Variants in TRIM15 observed in about 807,000 individuals in gnomAD.
The protein encoded by TRIM15 is E3 ubiquitin-protein ligase TRIM15.
TRIM15 carries 35 observed loss-of-function variants against 35.8 expected under a neutral mutation model. The ratio of observed to expected loss-of-function variants is 0.98; its 90% CI spans 0.75 to 1.30. The LOEUF (loss-of-function observed/expected upper bound fraction) is 1.30, where lower values mean the gene tolerates loss of function less well. Among genes scored for constraint, TRIM15 ranks in the 50% most tolerant of loss-of-function variants. The pLI, the probability that TRIM15 is intolerant of heterozygous loss-of-function variation, is 0.00. For synonymous variants in TRIM15, 252 were observed against 249.8 expected (o/e 1.01, Z -0.08); for missense variants, 590 against 593.5 (o/e 0.99, Z 0.06).
rs1562146657 is a variant in TRIM15 at position 30,168,474 on chromosome 6, G to T, written c.652G>T (p.Ala218Ser). Residue 218 changes from alanine to serine, a missense_variant, in exon 3 of 7, where the codon GCC becomes TCC. Ala to Ser is a moderately conservative substitution (Grantham distance 99). Coordinates refer to ENST00000376694, the MANE Select transcript of TRIM15 (RefSeq NM_033229.3). The part of the protein sequence containing the change: ...KVSEEVTRLG[A>S]QVKELEEKCQ... ...CTCTGAGGAAGTCACCCGGCTTGGA[G>T]CCCAGGTCAAGGAGCTGGAGGAGAA... is the stretch of plus-strand genomic sequence containing the variant. 1 of 1,610,854 alleles carries T rather than the reference G, an allele frequency of 6.2e-7. No individual in the cohort carries two copies. Among genetic ancestry groups the T allele is most frequent in the South Asian group, 1.1e-5 (1 of 90,668 alleles).
chr6:30,170,711 C>A (rs1246022865), intron 5 of TRIM15, 95 bp downstream of exon 5: 4 of 1,006,676 alleles, frequency 4.0e-6, no homozygotes, highest in Non-Finnish European at 5.9e-6. Context: ...AAACCTGGCT[C>A]GAGACATCTT....
At position 30,171,017 on chromosome 6, in the gene TRIM15, C is replaced by T. The variant is rs768533435; in HGVS notation, c.880+9C>T. The T allele has an allele frequency of 3.2e-5, 51 of 1,610,766 alleles. No homozygotes were observed. The Admixed American group carries it at 7.6e-4, about 24-fold the overall frequency. On this transcript the variant is annotated intron_variant, in intron 6 of 6. Coordinates refer to ENST00000376694, the MANE Select transcript of TRIM15 (RefSeq NM_033229.3). ...TCTGGAAATAGATTCAGGTAAACAG[C>T]TTGGGATTTGGGGAGTCATTCTTCC...
At chr6:30,171,260 G>A (rs554151827) in intron 6 of TRIM15, among the ~76,000 whole-genome samples, 5 of 152,264 alleles carry the variant, frequency 3.3e-5, no homozygotes, top group East Asian at 3.9e-4. Context: ...ATTAATACAT[G>A]CAAAGAGCTT....
At chr6:30,167,405 C>A in intron 2 of TRIM15, 134 bp downstream of exon 2, 1 of 702,414 alleles carries the variant, frequency 1.4e-6, no homozygotes. Flanking sequence ...CCTGTGGCTG[C>A]ACAAAGGCAT....
At chr6:30,164,519 G>A (rs183195595) in intron 1 of TRIM15, among the ~76,000 whole-genome samples, 87 of 152,258 alleles carry the variant, frequency 5.7e-4, no homozygotes, top group African/African-American at 2.0e-3. Flanking sequence ...AAGGGAGGGT[G>A]GCAGTAGTCC....
chr6:30,171,731 G>A, intron 6 of TRIM15, 101 bp from the exon 7 acceptor site: 1 of 1,403,474 alleles, frequency 7.1e-7, no homozygotes, highest in Non-Finnish European at 9.4e-7. Context: ...ATGGCAGGCT[G>A]CCCAAGTCCA....
rs1181860849 is a variant in TRIM15, at chr6:30,163,609, T to A, written c.-76T>A. On this transcript the variant is annotated 5_prime_UTR_variant, in exon 1 of 7. Coordinates refer to ENST00000376694, the MANE Select transcript of TRIM15 (RefSeq NM_033229.3). ...CGTTTCCCTCTGCGATTCATGTAAG[T>A]GTGACTCGATTTCAGGGAAAGGGAA... The A allele has an allele frequency of 2.7e-6, 4 of 1,506,050 alleles. No individual in the cohort carries two copies. In the African/African-American group the frequency reaches 4.2e-5, roughly 16 times the overall value. 93.3% of individuals were successfully genotyped at this position (1,506,050 alleles called of 1,614,324 possible).
intron 5 of TRIM15, 47 bp downstream of exon 5, chr6:30,170,663 T>C (rs1458837891): frequency 6.9e-7 from 1 of 1,442,128 alleles, no homozygotes; most frequent in Admixed American, 1.7e-5. Context: ...TTAGCTGCCC[T>C]CCTGTCTTCC....
Position 30,171,994 on chromosome 6 carries a change from G to A in TRIM15, c.1043G>A (p.Arg348His). 6.3e-7 allele frequency: 1 copy of A among 1,579,598 alleles called. No homozygotes were observed. The highest frequency in any genetic ancestry group is 1.3e-5 in the African/African-American group (1 of 74,412). Residue 348 changes from arginine to histidine, a missense_variant, in exon 7 of 7, where the codon CGC becomes CAC. Arg to His is a conservative substitution (Grantham distance 29). Transcript: ENST00000376694. ...VLGFPGFSSG[R>H]HRWQVDLQLG... ...GGCTTCCCGGGCTTCTCCTCCGGGC[G>A]CCACCGCTGGCAGGTTGACCTGCAG... is the stretch of plus-strand genomic sequence containing the variant.
chr6:30,167,521 G>C (rs144966950), intron 2 of TRIM15, among the ~76,000 whole-genome samples: 2,059 of 152,308 alleles, frequency 0.014, 29 homozygotes, highest in Middle Eastern at 0.041. Flanking sequence ...GACCAGAAAA[G>C]CAATGCTCCC....
rs544603803 is a variant in TRIM15 at position 30,170,232 on chromosome 6, C to T, written c.732-269C>T. 199 of 422,512 alleles carry T rather than the reference C, an allele frequency of 4.7e-4. 2 individuals are homozygous for T. In the East Asian group the frequency reaches 6.1e-3, roughly 13 times the overall value. 26.2% of individuals were successfully genotyped at this position (422,512 alleles called of 1,614,324 possible). A position where few individuals can be genotyped will look rare whatever the true frequency, so the allele number is the denominator to read the frequency against. ...CCAAAAGGGGTAATGATCTCTGTCC[C>T]TCAGCCCCTACAGAACCAAACATTC... On this transcript the variant is annotated intron_variant, in intron 4 of 6. Transcript: ENST00000376694.
In TRIM15 at chr6:30,168,201, C is replaced by T. The variant is rs1773745859; in HGVS notation, c.478-99C>T. ...AATGGAATGAGTCTTGGACCAGTTG[C>T]TCCCTATCCCTGTTAATCAATAATA... is the stretch of plus-strand genomic sequence containing the variant. On this transcript the variant is annotated intron_variant, in intron 2 of 6. Coordinates refer to ENST00000376694, the MANE Select transcript of TRIM15 (RefSeq NM_033229.3). 2.8e-6 allele frequency: 3 copies of T among 1,057,102 alleles called. No homozygotes were observed. The South Asian group carries it at 5.0e-5, about 17-fold the overall frequency. 65.5% of individuals were successfully genotyped at this position (1,057,102 alleles called of 1,614,324 possible).
chr6:30,171,797 G>A (rs1295263883), intron 6 of TRIM15, 35 bp from the exon 7 acceptor site: 1 of 1,475,766 alleles, frequency 6.8e-7, no homozygotes, highest in Non-Finnish European at 9.0e-7. Flanking sequence ...TGTGGTTGCC[G>A]CCCGCTGTTG....
chr6:30,169,374 G>A, intron 4 of TRIM15, 111 bp downstream of exon 4: 1 of 1,141,540 alleles, frequency 8.8e-7, no homozygotes, highest in Non-Finnish European at 1.3e-6. Flanking sequence ...AGGCACTCTG[G>A]CAGACACACT....
In TRIM15 at chr6:30,170,583, C is replaced by T. The variant is rs780404847; in HGVS notation, c.814C>T (p.Leu272Phe). 3 of 1,614,054 alleles carry T rather than the reference C, an allele frequency of 1.9e-6. No individual in the cohort carries two copies. Among genetic ancestry groups the T allele is most frequent in the Admixed American group, 3.3e-5 (2 of 60,016 alleles). ...KKIRDFHRKI[L>F]TLPEMMRMFS... ...GATCCGTGATTTCCACAGGAAAATA[C>T]TCACCCTCCCAGAGATGATGAGGAT... Residue 272 changes from leucine to phenylalanine, a missense_variant, in exon 5 of 7, where the codon CTC (leucine) becomes TTC (phenylalanine). Physicochemically the swap from Leu to Phe is conservative, Grantham distance 22. Coordinates refer to ENST00000376694, the MANE Select transcript of TRIM15 (RefSeq NM_033229.3).
chr6:30,172,172 G>T lies in TRIM15; in HGVS notation c.1221G>T (p.Pro407=). ...WASTSPGTDL[P]LSEIPRGVRV... Reference sequence around the variant, plus strand: ...GCACCTCCCCGGGCACCGACCTGCCGCTGAGCGAGATCCCGCGCGGCGTGA... The same window carrying T: ...GCACCTCCCCGGGCACCGACCTGCCTCTGAGCGAGATCCCGCGCGGCGTGA... Residue 407 remains proline (P), a synonymous_variant, in exon 7 of 7, where the codon CCG becomes CCT. Transcript: ENST00000376694. 1 of 1,602,892 alleles carries T rather than the reference G, an allele frequency of 6.2e-7. No individual in the cohort carries two copies. The highest frequency in any genetic ancestry group is 8.5e-7 in the Non-Finnish European group (1 of 1,175,314).
intron 4 of TRIM15, chr6:30,169,587 C>A: frequency 1.7e-6 from 1 of 601,664 alleles, no homozygotes; most frequent in Non-Finnish European, 3.0e-6. Context: ...TATCTAACAC[C>A]ATTTAAAATG....
Position 30,163,957 on chromosome 6 carries a change from C to G in TRIM15, c.273C>G (p.Tyr91Ter). The G allele has an allele frequency of 6.2e-7, 1 of 1,612,994 alleles. No homozygotes were observed. Among genetic ancestry groups the G allele is most frequent in the Non-Finnish European group, 8.5e-7 (1 of 1,179,910 alleles). The change falls in exon 1 of 7, where the codon TAC becomes TAG. Residue 91 changes from tyrosine to a stop codon, truncating the protein, a stop_gained. Transcript: ENST00000376694. LOFTEE classifies it high-confidence loss of function. The part of the protein sequence containing the change: ...TYCEEHGEKI[Y>*]FFCENDAEFL... ...GCGAGGAGCACGGCGAGAAGATCTA[C>G]TTCTTCTGCGAGAACGATGCCGAGT...
chr6:30,171,235 G>C lies in TRIM15; in HGVS notation c.880+227G>C, dbSNP rs2127461819. Reference sequence around the variant, plus strand: ...TACTGTACCTGTCCCATAAGTAGCTGTGAGGACAAAATAAATTAATACATG... The same window carrying C: ...TACTGTACCTGTCCCATAAGTAGCTCTGAGGACAAAATAAATTAATACATG... On this transcript the variant is annotated intron_variant, in intron 6 of 6. Coordinates refer to ENST00000376694, the MANE Select transcript of TRIM15 (RefSeq NM_033229.3). 6.2e-6 allele frequency: 3 copies of C among 482,388 alleles called. No individual in the cohort carries two copies. In the East Asian group the frequency reaches 9.3e-5, roughly 15 times the overall value. 29.9% of individuals were successfully genotyped at this position (482,388 alleles called of 1,614,324 possible). A position where few individuals can be genotyped will look rare whatever the true frequency, so the allele number is the denominator to read the frequency against.
Sources: gnomAD v4.1 joint callset for allele counts (sites outside exome capture counted in the v4.1 genomes callset) on GRCh38, gnomAD v4.1.1 for gene constraint, MANE v1.5 for transcripts, NCBI Gene and HGNC (gene_info 2026-07-23, HGNC 2026-07-21) for gene names.